The following MRM1 variants were observed in gnomAD, a reference collection of about 807,000 sequenced individuals.
MRM1 encodes the protein mitochondrial rRNA methyltransferase 1, also known as rRNA methyltransferase 1, mitochondrial.
A neutral mutation model predicts 25.0 loss-of-function variants in MRM1; 24 were observed. The ratio of observed to expected loss-of-function variants is 0.96; its 90% confidence interval spans 0.69 to 1.35. The LOEUF is 1.35. Among genes scored for constraint, MRM1 ranks in the 40% most tolerant of loss-of-function variants. The pLI, the probability that MRM1 is intolerant of heterozygous loss-of-function variation, is 0.00. For synonymous variants in MRM1, 188 were observed against 199.2 expected (o/e 0.94, Z 0.47); for missense variants, 431 against 464.1 (o/e 0.93, Z 0.65).
the MRM1 span, among the ~76,000 whole-genome samples, chr17:36,627,752 C>T: frequency 6.9e-6 from 1 of 145,912 alleles, no homozygotes. Context: ...TTGGCTCACA[C>T]AACCTGCGCC....
chr17:36,619,710 A>G, the MRM1 span, among the ~76,000 whole-genome samples: 1 of 151,806 alleles, frequency 6.6e-6, no homozygotes, highest in African/African-American at 2.4e-5. Context: ...TCGAATATAT[A>G]CCCAGAAGTG....
the MRM1 span, among the ~76,000 whole-genome samples, chr17:36,631,883 G>A: frequency 6.6e-6 from 1 of 152,200 alleles, no homozygotes; most frequent in Admixed American, 6.5e-5. Context: ...GTTGTCTGCA[G>A]AGGTTGGGGG....
chr17:36,601,805 T>G lies in MRM1; in HGVS notation c.-6T>G. ...GGGGCATCGAGTCCCTGGCGGGAGC[T>G]GCGCCATGGCATTGCTCTCGACCGT... On this transcript the variant is annotated 5_prime_UTR_variant, in exon 1 of 5. Coordinates refer to ENST00000614766, the MANE Select transcript of MRM1 (RefSeq NM_024864.5). 1 of 1,530,242 alleles carries G rather than the reference T, an allele frequency of 6.5e-7. No individual in the cohort carries two copies. Among genetic ancestry groups the G allele is most frequent in the Non-Finnish European group, 8.8e-7 (1 of 1,140,614 alleles). 94.8% of individuals were successfully genotyped at this position (1,530,242 alleles called of 1,614,324 possible).
In MRM1 at chr17:36,602,791, G is replaced by A; in HGVS notation, c.636+145G>A. On this transcript the variant is annotated intron_variant, in intron 2 of 4. Coordinates refer to ENST00000614766, the MANE Select transcript of MRM1 (RefSeq NM_024864.5). This position sits in a 1 kb window ranked among gnomAD's most constrained non-coding sequence, Gnocchi z 4.1. ...TCTAAATCCCTCTGGGGATGGAAGG[G>A]TCCTGGAGTTTTTAAAACGGCAAAT... The A allele has an allele frequency of 1.6e-6, 2 of 1,224,296 alleles. No individual in the cohort carries two copies. The highest frequency in any genetic ancestry group is 2.3e-6 in the Non-Finnish European group (2 of 885,836). 75.8% of individuals were successfully genotyped at this position (1,224,296 alleles called of 1,614,324 possible).
At chr17:36,603,201 G>A in intron 2 of MRM1, 1 of 984,080 alleles carries the variant, frequency 1.0e-6, no homozygotes, top group African/African-American at 1.8e-5. Flanking sequence ...TGCAGGGTGA[G>A]AAATTTCCCT....
Position 36,607,625 on chromosome 17 carries a change from T to G in MRM1, c.637-45T>G, listed in dbSNP as rs142332387. On this transcript the variant is annotated intron_variant, in intron 2 of 4. Transcript: ENST00000614766. Reference sequence around the variant, plus strand: ...GCGAGAGTAAGACCCTATCTCAAAATTAAAATAAAAAAAGAATTAGAACAT... The same window carrying G: ...GCGAGAGTAAGACCCTATCTCAAAAGTAAAATAAAAAAAGAATTAGAACAT... The G allele has an allele frequency of 9.4e-3, 14,801 of 1,574,556 alleles. 97 individuals carry two copies. The highest frequency in any genetic ancestry group is 9.4e-3 in the Non-Finnish European group (10,963 of 1,160,518).
At chr17:36,625,208 C>T in the MRM1 span, among the ~76,000 whole-genome samples, 1 of 152,128 alleles carries the variant, frequency 6.6e-6, no homozygotes, top group African/African-American at 2.4e-5. Context: ...CATGGCCTAC[C>T]CCTGCTCAGA....
chr17:36,632,230 C>T, the MRM1 span, among the ~76,000 whole-genome samples: 9 of 152,300 alleles, frequency 5.9e-5, no homozygotes, highest in East Asian at 1.7e-3. Context: ...CAGGGCTCCC[C>T]AGCCCCATCT....
At chr17:36,613,505 A>G (rs2074989294), downstream of MRM1, among the ~76,000 whole-genome samples, 1 of 152,078 alleles carries the variant, frequency 6.6e-6, no homozygotes, top group Non-Finnish European at 1.5e-5. Flanking sequence ...CCACTTCTTC[A>G]GGCCTCCTCC....
chr17:36,616,043 G>T, the MRM1 span, among the ~76,000 whole-genome samples: 2 of 152,012 alleles, frequency 1.3e-5, no homozygotes, highest in Non-Finnish European at 2.9e-5. Flanking sequence ...CTTGCAGGCC[G>T]CCTGCTCCCT....
chr17:36,607,854 G>A (rs17693183), intron 3 of MRM1, 45 bp from the exon 4 acceptor site: 24,819 of 1,611,354 alleles, frequency 0.015, 243 homozygotes, highest in Middle Eastern at 0.035. Flanking sequence ...CGAGCAACTG[G>A]GTGTCCAGCT....
chr17:36,627,597 C>T, the MRM1 span, among the ~76,000 whole-genome samples: 7 of 151,712 alleles, frequency 4.6e-5, no homozygotes, highest in East Asian at 1.4e-3. Context: ...TTCTTGCCTT[C>T]TGCCTCCTTG....
At chr17:36,618,388 CA>C in the MRM1 span, among the ~76,000 whole-genome samples, 1 of 152,014 alleles carries the variant, frequency 6.6e-6, no homozygotes. Context: ...AAAAGTAGAG[CA>C]GGGGAAGGGG....
At chr17:36,620,647 C>T in the MRM1 span, among the ~76,000 whole-genome samples, 1 of 152,210 alleles carries the variant, frequency 6.6e-6, no homozygotes, top group African/African-American at 2.4e-5. Flanking sequence ...TTGATGGCCT[C>T]TGATCCCTTC....
chr17:36,603,766 G>T (rs1443789590), intron 2 of MRM1, among the ~76,000 whole-genome samples: 2 of 152,246 alleles, frequency 1.3e-5, no homozygotes, highest in South Asian at 4.2e-4. Flanking sequence ...AACACACCTC[G>T]ATTTGAATTA....
rs757596239 is a variant in MRM1 at position 36,607,697 on chromosome 17, G to C, written c.664G>C (p.Ala222Pro). Residue 222 changes from alanine to proline, a missense_variant, in exon 3 of 5, where the codon GCC becomes CCC. Physicochemically the swap from Ala to Pro is conservative, Grantham distance 27. Coordinates refer to ENST00000614766, the MANE Select transcript of MRM1 (RefSeq NM_024864.5). The stretch of plus-strand genomic sequence containing the variant: ...CAAAGCCCAGCAGGGCTGGCTCGTG[G>C]CCGGCACGGTGGGCTGCCCAAGCAC... ...QTKAQQGWLV[A>P]GTVGCPSTED... is the part of the protein sequence containing the mutation. The C allele has an allele frequency of 3.3e-5, 53 of 1,614,124 alleles. No individual in the cohort carries two copies. The South Asian group carries it at 5.8e-4, about 18-fold the overall frequency.
chr17:36,607,605 A>G, intron 2 of MRM1, 65 bp from the exon 3 acceptor site: 1 of 1,539,680 alleles, frequency 6.5e-7, no homozygotes. Flanking sequence ...CCTGAGCGAG[A>G]GTAAGACCCT....
At chr17:36,621,675 C>T in the MRM1 span, among the ~76,000 whole-genome samples, 1 of 152,184 alleles carries the variant, frequency 6.6e-6, no homozygotes, top group East Asian at 1.9e-4. Context: ...CTTCTGTATT[C>T]CTGCCTGCTC....
the MRM1 span, among the ~76,000 whole-genome samples, chr17:36,626,738 C>T: frequency 6.6e-6 from 1 of 152,162 alleles, no homozygotes; most frequent in East Asian, 1.9e-4. Context: ...GTCACAGGTG[C>T]AGAATGCTCT....
Sources: gnomAD v4.1 joint callset for allele counts (sites outside exome capture counted in the v4.1 genomes callset) on GRCh38, gnomAD v4.1.1 for gene constraint, Gnocchi (gnomAD v3.1) non-coding constraint, MANE v1.5 for transcripts, NCBI Gene and HGNC (gene_info 2026-07-23, HGNC 2026-07-21) for gene names.